Variants in ENOX1 observed in about 807,000 individuals in gnomAD.
ENOX1 encodes the protein ecto-NOX disulfide-thiol exchanger 1, also known as candidate growth-related and time keeping constitutive hydroquinone (NADH) oxidase.
A neutral mutation model predicts 82.5 loss-of-function variants in ENOX1; 42 were observed. The observed-to-expected ratio is 0.51, with a 90% CI of 0.40 to 0.66. The LOEUF (loss-of-function observed/expected upper bound fraction) is 0.66, where lower values mean the gene tolerates loss of function less well. Ranked by LOEUF, ENOX1 falls within the 30% of genes least tolerant of loss-of-function variation. The pLI is 0.00. For synonymous variants in ENOX1, 271 were observed against 282.2 expected, an observed-to-expected ratio of 0.96 and a Z score of 0.40; for missense variants, 608 against 811.6, an observed-to-expected ratio of 0.75 and a Z score of 3.05.
intron 3 of ENOX1, among the ~76,000 whole-genome samples, chr13:43,482,377 C>T (rs2058539605): frequency 6.6e-6 from 1 of 152,148 alleles, no homozygotes; most frequent in Non-Finnish European, 1.5e-5. Context: ...ACAAGCCAGT[C>T]ACCGAAGGAC....
intron 1 of ENOX1, among the ~76,000 whole-genome samples, chr13:43,735,181 A>G (rs953993380): frequency 2.8e-4 from 42 of 152,202 alleles, no homozygotes. Flanking sequence ...CAAATACTCA[A>G]TGTTTAAATG....
rs527773797 is a variant in ENOX1, at chr13:43,398,124, T to G, written c.208+13792A>C. On this transcript the variant is annotated intron_variant, in intron 5 of 16. Coordinates refer to ENST00000690772, the MANE Select transcript of ENOX1 (RefSeq NM_001347969.2). ...GTCCTAATATCATCACCTTGGGGGT[T>G]AGGATTTCAACATATGAATTTGGGG... 9.8e-5 allele frequency among the ~76,000 whole-genome samples: 15 copies of G among 152,310 alleles called. No homozygotes were observed. In the East Asian group the frequency reaches 2.9e-3, roughly 29 times the overall value.
chr13:43,706,220 C>T (rs1228432095), intron 1 of ENOX1, among the ~76,000 whole-genome samples: 2 of 151,778 alleles, frequency 1.3e-5, no homozygotes, highest in Admixed American at 6.6e-5. Context: ...ATGATCTATG[C>T]TACCAAGTTA....
chr13:43,343,435 A>G (rs1179892637), intron 9 of ENOX1, among the ~76,000 whole-genome samples: 1 of 152,184 alleles, frequency 6.6e-6, no homozygotes, highest in Non-Finnish European at 1.5e-5. Flanking sequence ...TTAAAGACAG[A>G]TTGGTCTTAT....
At chr13:43,467,021 T>C (rs2057756354) in intron 3 of ENOX1, among the ~76,000 whole-genome samples, 1 of 152,234 alleles carries the variant, frequency 6.6e-6, no homozygotes, top group Non-Finnish European at 1.5e-5. Context: ...TGTTCATCCA[T>C]TCATCAGCTG....
intron 16 of ENOX1, among the ~76,000 whole-genome samples, chr13:43,220,009 G>A (rs997044690): frequency 6.6e-6 from 1 of 152,124 alleles, no homozygotes; most frequent in Non-Finnish European, 1.5e-5. Flanking sequence ...CACAGTGTTA[G>A]CACACACAGA....
At chr13:43,457,062 T>C (rs775378677) in intron 3 of ENOX1, among the ~76,000 whole-genome samples, 20 of 152,242 alleles carry the variant, frequency 1.3e-4, no homozygotes, top group Non-Finnish European at 2.4e-4. Context: ...TTATTTTTTG[T>C]TCTTTACTAA....
chr13:43,621,301 C>T (rs779952426), intron 2 of ENOX1, among the ~76,000 whole-genome samples: 6 of 151,886 alleles, frequency 4.0e-5, no homozygotes, highest in African/African-American at 1.2e-4. Context: ...TACTTTGTTT[C>T]GTTTTGTTTT....
chr13:43,238,361 G>A (rs2042651501), intron 14 of ENOX1, among the ~76,000 whole-genome samples: 1 of 152,204 alleles, frequency 6.6e-6, no homozygotes, highest in Non-Finnish European at 1.5e-5. Flanking sequence ...AGGAATTGCA[G>A]GAAAGGAAAT....
intron 5 of ENOX1, among the ~76,000 whole-genome samples, chr13:43,409,196 A>C (rs1426641874): frequency 6.6e-6 from 1 of 152,160 alleles, no homozygotes; most frequent in Non-Finnish European, 1.5e-5. Flanking sequence ...AAATAATAGG[A>C]TGCCATTTTT....
chr13:43,245,575 C>A (rs115339858), intron 14 of ENOX1, among the ~76,000 whole-genome samples: 1 of 152,120 alleles, frequency 6.6e-6, no homozygotes, highest in African/African-American at 2.4e-5. Context: ...TGAGCAGGAT[C>A]GCAGGAATTT....
intron 2 of ENOX1, among the ~76,000 whole-genome samples, chr13:43,504,904 T>C (rs1328678877): frequency 6.6e-6 from 1 of 151,708 alleles, no homozygotes; most frequent in Non-Finnish European, 1.5e-5. Flanking sequence ...GGTTATATAC[T>C]TATCTCTAAC....
chr13:43,508,179 G>A (rs908150870), intron 2 of ENOX1, among the ~76,000 whole-genome samples: 6 of 152,010 alleles, frequency 3.9e-5, no homozygotes, highest in African/African-American at 7.2e-5. Flanking sequence ...ACAAAGTCAC[G>A]AGAGCTCCAT....
chr13:43,445,006 C>T (rs2056549862), intron 3 of ENOX1, among the ~76,000 whole-genome samples: 1 of 152,096 alleles, frequency 6.6e-6, no homozygotes, highest in South Asian at 2.1e-4. Context: ...ACAGTTTTCT[C>T]AAGTAAGAAT....
intron 2 of ENOX1, among the ~76,000 whole-genome samples, chr13:43,591,806 C>G (rs377585891): frequency 1.3e-5 from 2 of 152,102 alleles, no homozygotes; most frequent in Non-Finnish European, 2.9e-5. Flanking sequence ...CTCCCATCCA[C>G]GAATACTGCC....
At chr13:43,661,797 A>G (rs2084745149) in intron 2 of ENOX1, among the ~76,000 whole-genome samples, 1 of 152,198 alleles carries the variant, frequency 6.6e-6, no homozygotes, top group African/African-American at 2.4e-5. Context: ...AAGGACTTAC[A>G]GTGAAGTAGT....
chr13:43,495,919 G>A (rs894539362), intron 2 of ENOX1, among the ~76,000 whole-genome samples: 1 of 152,022 alleles, frequency 6.6e-6, no homozygotes, highest in African/African-American at 2.4e-5. Flanking sequence ...CATGGCTAAT[G>A]ATGTCATTAT....
At chr13:43,396,079 G>A (rs1272935083) in intron 5 of ENOX1, among the ~76,000 whole-genome samples, 1 of 152,178 alleles carries the variant, frequency 6.6e-6, no homozygotes, top group African/African-American at 2.4e-5. Context: ...TCCAAAGATT[G>A]CTTGAACTGA....
At chr13:43,770,539 T>C (rs1951525240) in intron 1 of ENOX1, among the ~76,000 whole-genome samples, 1 of 152,208 alleles carries the variant, frequency 6.6e-6, no homozygotes, top group Non-Finnish European at 1.5e-5. Context: ...AATAAAAGTA[T>C]TCAAGTCATT....
Sources: allele counts gnomAD v4.1 joint callset (sites outside exome capture counted in the v4.1 genomes callset), GRCh38; gene constraint gnomAD v4.1.1; transcripts MANE v1.5; gene names NCBI Gene and HGNC (gene_info 2026-07-23, HGNC 2026-07-21).